CNKSR2: variants seen among roughly 807,000 people sequenced by gnomAD.
CNKSR2 encodes the protein connector enhancer of kinase suppressor of Ras 2, also known as CNK homolog protein 2.
In CNKSR2, 14 loss-of-function variants were observed where a neutral mutation model predicts 84.4. That is an observed-to-expected ratio of 0.17 (90% confidence interval 0.11 to 0.26). The LOEUF (loss-of-function observed/expected upper bound fraction) is 0.26. CNKSR2 is among the 10% of genes least tolerant of loss of function. The pLI, the probability that CNKSR2 is intolerant of heterozygous loss-of-function variation, is 1.00. For synonymous variants in CNKSR2, 275 were observed against 277.9 expected, an observed-to-expected ratio of 0.99 and a Z score of 0.10; for missense variants, 485 against 771.2, an observed-to-expected ratio of 0.63 and a Z score of 4.40.
intron 8 of CNKSR2, chrX:21,504,369 A>G (rs2091591190): frequency 8.9e-6 from 1 of 112,187 alleles, no homozygotes; most frequent in Non-Finnish European, 1.9e-5. Flanking sequence ...TCTCTAATCC[A>G]TTAATTGACT....
intron 4 of CNKSR2, among the ~76,000 whole-genome samples, chrX:21,462,979 T>C (rs756418464): frequency 9.0e-6 from 1 of 111,093 alleles, no homozygotes; most frequent in Admixed American, 9.5e-5. Context: ...GTGCTGAGAT[T>C]ACAGGCATGA....
intron 5 of CNKSR2, among the ~76,000 whole-genome samples, chrX:21,483,958 T>A (rs763950509): frequency 1.8e-4 from 20 of 112,104 alleles, no homozygotes; most frequent in Non-Finnish European, 3.4e-4. Context: ...GCAGAACTTA[T>A]AATACTGAAT....
intron 1 of CNKSR2, among the ~76,000 whole-genome samples, chrX:21,414,882 T>C (rs1411492796): frequency 9.0e-6 from 1 of 111,310 alleles, no homozygotes; most frequent in African/African-American, 3.3e-5. Flanking sequence ...TTTTTTTCTG[T>C]GTACTCTGTT....
intron 1 of CNKSR2, among the ~76,000 whole-genome samples, chrX:21,400,802 A>G (rs1181522452): frequency 3.6e-5 from 4 of 111,728 alleles, no homozygotes; most frequent in Non-Finnish European, 7.6e-5. Flanking sequence ...AAATCAAAAT[A>G]TATAGAGAAA....
intron 3 of CNKSR2, among the ~76,000 whole-genome samples, chrX:21,438,450 G>T (rs1284405604): frequency 1.8e-5 from 2 of 110,954 alleles, no homozygotes; most frequent in Non-Finnish European, 3.8e-5. Context: ...AAAAAGAAAG[G>T]GCCATTTAAT....
chrX:21,623,001 C>T (rs754080130), intron 20 of CNKSR2, among the ~76,000 whole-genome samples: 1 of 110,835 alleles, frequency 9.0e-6, no homozygotes, highest in South Asian at 3.8e-4. Context: ...TCAGTCAATA[C>T]CAGAATATGT....
intron 1 of CNKSR2, among the ~76,000 whole-genome samples, chrX:21,407,690 T>C (rs2090283291): frequency 9.0e-6 from 1 of 111,414 alleles, no homozygotes; most frequent in African/African-American, 3.2e-5. Flanking sequence ...TTTTGAATTC[T>C]TTACCTTTTT....
At chrX:21,554,079 A>G (rs2092116922) in intron 11 of CNKSR2, among the ~76,000 whole-genome samples, 1 of 111,516 alleles carries the variant, frequency 9.0e-6, no homozygotes, top group African/African-American at 3.3e-5. Flanking sequence ...TATTTCAGCT[A>G]TTTCAACAGA....
intron 9 of CNKSR2, among the ~76,000 whole-genome samples, chrX:21,517,836 A>G (rs1425238373): frequency 9.9e-5 from 11 of 111,650 alleles, no homozygotes; most frequent in Non-Finnish European, 1.5e-4. Flanking sequence ...ATTAAGCTCT[A>G]TGTTAGTACC....
At chrX:21,526,523 A>C (rs755478084) in intron 9 of CNKSR2, among the ~76,000 whole-genome samples, 34 of 111,147 alleles carry the variant, frequency 3.1e-4, no homozygotes, top group Non-Finnish European at 6.4e-4. Context: ...ATTCTGACAA[A>C]GTTAATTTAA....
chrX:21,595,956 G>A (rs920611762), intron 17 of CNKSR2, among the ~76,000 whole-genome samples: 12 of 110,942 alleles, frequency 1.1e-4, no homozygotes, highest in African/African-American at 3.6e-4. Flanking sequence ...TAATACTTTG[G>A]CTTTTATGAA....
rs188232047 is a variant in CNKSR2, at chrX:21,567,891, T to C, written c.1608+4439T>C. ...TCTTTAAAGAATAACTGAATTATTC[T>C]GAATCTCATCTTTAAATCTTGTAGG... On this transcript the variant is annotated intron_variant, in intron 13 of 21. Transcript: ENST00000379510. Among the ~76,000 whole-genome samples the C allele has an allele frequency of 7.1e-4, 78 of 110,593 alleles. No individual in the cohort carries two copies. In the South Asian group the frequency reaches 0.015, roughly 22 times the overall value.
intron 1 of CNKSR2, among the ~76,000 whole-genome samples, chrX:21,385,154 T>A (rs975458185): frequency 1.5e-4 from 17 of 111,851 alleles, no homozygotes; most frequent in African/African-American, 5.5e-4. Flanking sequence ...ATAGTACAGG[T>A]AAGAGCACTT....
intron 18 of CNKSR2, among the ~76,000 whole-genome samples, chrX:21,603,926 T>G (rs1408206091): frequency 8.9e-6 from 1 of 112,103 alleles, no homozygotes; most frequent in Non-Finnish European, 1.9e-5. Flanking sequence ...GTGTTGGCAC[T>G]GCTTTTTCAT....
chrX:21,531,763 G>A (rs893420225), intron 10 of CNKSR2, 93 bp from the exon 11 acceptor site: 28 of 523,413 alleles, frequency 5.3e-5, no homozygotes, highest in Middle Eastern at 3.5e-4. Context: ...GAGATATATT[G>A]TATGGGAGTA....
chrX:21,526,557 GAT>G (rs780195604), intron 9 of CNKSR2, among the ~76,000 whole-genome samples: 13 of 110,907 alleles, frequency 1.2e-4, no homozygotes, highest in Non-Finnish European at 2.1e-4. Context: ...CTAACTGTGA[GAT>G]AAATCTTCCC....
At chrX:21,569,496 C>CAGTG (rs1022515650) in intron 13 of CNKSR2, among the ~76,000 whole-genome samples, 1 of 111,859 alleles carries the variant, frequency 8.9e-6, no homozygotes, top group Admixed American at 9.5e-5. Flanking sequence ...ACAACATTTG[C>CAGTG]AGTGACTTCC....
At chrX:21,475,093 A>G (rs1271701657) in intron 5 of CNKSR2, among the ~76,000 whole-genome samples, 2 of 112,164 alleles carry the variant, frequency 1.8e-5, no homozygotes, top group African/African-American at 6.5e-5. Context: ...TTTTATTGTT[A>G]GATACAATGA....
intron 20 of CNKSR2, chrX:21,644,896 GAA>G (rs1304179648): frequency 8.9e-6 from 1 of 112,041 alleles, no homozygotes; most frequent in African/African-American, 3.2e-5. Context: ...TGTGCAATCA[GAA>G]AAAGTTTGGA....
Sources: gnomAD v4.1 joint callset for allele counts (sites outside exome capture counted in the v4.1 genomes callset) on GRCh38, gnomAD v4.1.1 for gene constraint, MANE v1.5 for transcripts, NCBI Gene and HGNC (gene_info 2026-07-23, HGNC 2026-07-21) for gene names.